CLVS1: variants seen among roughly 807,000 people sequenced by gnomAD.
The protein encoded by CLVS1 is clavesin-1.
CLVS1 carries 10 observed loss-of-function variants against 33.1 expected under a neutral mutation model. The ratio of observed to expected loss-of-function variants is 0.30; its 90% CI spans 0.19 to 0.51. The LOEUF (loss-of-function observed/expected upper bound fraction) is 0.51, where lower values mean the gene tolerates loss of function less well. Ranked by LOEUF, CLVS1 falls within the 20% of genes least tolerant of loss-of-function variation. The pLI is 0.97. For synonymous variants in CLVS1, 163 were observed against 166.1 expected (o/e 0.98, Z 0.14); for missense variants, 343 against 433.4 (o/e 0.79, Z 1.85).
At chr8:61,209,253 G>A (rs1293945398) in intron 2 of CLVS1, among the ~76,000 whole-genome samples, 1 of 152,250 alleles carries the variant, frequency 6.6e-6, no homozygotes, top group East Asian at 1.9e-4. Context: ...TGGGCACCCA[G>A]CTGTGGGGCT....
chr8:61,325,201 C>T (rs1301515762), intron 2 of CLVS1, among the ~76,000 whole-genome samples: 3 of 150,854 alleles, frequency 2.0e-5, no homozygotes, highest in Non-Finnish European at 4.4e-5. Flanking sequence ...TATGTACACA[C>T]ACATACACAC....
At chr8:61,393,248 G>T (rs985213288) in intron 3 of CLVS1, among the ~76,000 whole-genome samples, 1 of 152,042 alleles carries the variant, frequency 6.6e-6, no homozygotes, top group African/African-American at 2.4e-5. Context: ...ATTTCTAGAA[G>T]TTGTGATTGT....
At chr8:61,108,699 G>A (rs903743280) in intron 1 of CLVS1, among the ~76,000 whole-genome samples, 2 of 152,142 alleles carry the variant, frequency 1.3e-5, no homozygotes, top group East Asian at 3.9e-4. Flanking sequence ...GTTTCTTCCA[G>A]TTACAAACTT....
At chr8:61,373,934 C>T (rs1813541167) in intron 2 of CLVS1, among the ~76,000 whole-genome samples, 1 of 152,126 alleles carries the variant, frequency 6.6e-6, no homozygotes, top group African/African-American at 2.4e-5. Flanking sequence ...GTGTCTTTCA[C>T]CCTTGTTCAC....
chr8:61,121,955 A>G (rs1805879858), intron 1 of CLVS1, among the ~76,000 whole-genome samples: 1 of 152,260 alleles, frequency 6.6e-6, no homozygotes, highest in African/African-American at 2.4e-5. Flanking sequence ...GAAATACAAC[A>G]GGAGGACTCA....
intron 2 of CLVS1, among the ~76,000 whole-genome samples, chr8:61,301,484 T>C (rs1487550038): frequency 6.6e-6 from 1 of 152,208 alleles, no homozygotes. Context: ...TCTGTTTATG[T>C]TTCTACTAAT....
At chr8:61,379,366 C>G (rs1252383829) in intron 3 of CLVS1, among the ~76,000 whole-genome samples, 1 of 151,470 alleles carries the variant, frequency 6.6e-6, no homozygotes, top group South Asian at 2.1e-4. Context: ...TTATGAAACC[C>G]TCCCCCCCTT....
chr8:61,291,328 A>C (rs1809983867), intron 1 of CLVS1, among the ~76,000 whole-genome samples: 1 of 152,130 alleles, frequency 6.6e-6, no homozygotes, highest in Non-Finnish European at 1.5e-5. Flanking sequence ...CATGTGTTTG[A>C]GATGATCTGT....
chr8:61,405,038 C>G (rs1166409120), intron 3 of CLVS1, among the ~76,000 whole-genome samples: 4 of 152,212 alleles, frequency 2.6e-5, no homozygotes, highest in Non-Finnish European at 1.5e-5. Flanking sequence ...ACAGCTGCTG[C>G]TTGAGTCACC....
chr8:61,304,179 T>C (rs891179926), intron 2 of CLVS1, among the ~76,000 whole-genome samples: 1 of 152,254 alleles, frequency 6.6e-6, no homozygotes, highest in African/African-American at 2.4e-5. Flanking sequence ...GTGAAGGGTT[T>C]ACTAAGATTA....
At chr8:61,189,834 A>G (rs974084803) in intron 2 of CLVS1, among the ~76,000 whole-genome samples, 4 of 152,210 alleles carry the variant, frequency 2.6e-5, no homozygotes, top group African/African-American at 4.8e-5. Context: ...TATCCTAAAT[A>G]TCTATGCACC....
intron 2 of CLVS1, among the ~76,000 whole-genome samples, chr8:61,192,352 T>C (rs1045159373): frequency 6.6e-6 from 1 of 152,188 alleles, no homozygotes; most frequent in Admixed American, 6.5e-5. Context: ...GATCCCTTCC[T>C]TACACCTTAT....
At chr8:61,340,345 C>A (rs1259642572) in intron 2 of CLVS1, among the ~76,000 whole-genome samples, 3 of 152,164 alleles carry the variant, frequency 2.0e-5, no homozygotes, top group Non-Finnish European at 4.4e-5. Flanking sequence ...ACCAACATCT[C>A]CCCAGTCCTC....
At chr8:61,295,554 C>G (rs1810165914) in intron 1 of CLVS1, among the ~76,000 whole-genome samples, 1 of 152,124 alleles carries the variant, frequency 6.6e-6, no homozygotes. Flanking sequence ...TATTTAGGCT[C>G]ATAGAATGGT....
intron 2 of CLVS1, among the ~76,000 whole-genome samples, chr8:61,257,647 G>A (rs1809114024): frequency 6.6e-6 from 1 of 152,110 alleles, no homozygotes; most frequent in South Asian, 2.1e-4. Flanking sequence ...AAGGGATGAG[G>A]GTTGGGAGAC....
At chr8:61,272,857 G>C (rs1025480124) in intron 2 of CLVS1, among the ~76,000 whole-genome samples, 1 of 152,058 alleles carries the variant, frequency 6.6e-6, no homozygotes, top group African/African-American at 2.4e-5. Flanking sequence ...GCTCCTTTAA[G>C]CACTTGTCTG....
At chr8:61,181,697 C>CTTTTTTTTTTTTTTT (rs369025438) in intron 2 of CLVS1, among the ~76,000 whole-genome samples, 1 of 103,202 alleles carries the variant, frequency 9.7e-6, no homozygotes, top group Non-Finnish European at 1.9e-5. Flanking sequence ...ACCATCTGAT[C>CTTTTTTTTTTTTTTT]TTTTTTTTTT....
intron 4 of CLVS1, among the ~76,000 whole-genome samples, chr8:61,457,922 G>A (rs1321745385): frequency 6.6e-6 from 1 of 152,206 alleles, no homozygotes; most frequent in African/African-American, 2.4e-5. Flanking sequence ...AGGATCTGGA[G>A]GACTGGGTGA....
chr8:61,038,804 C>T, the CLVS1 span, among the ~76,000 whole-genome samples: 8 of 152,226 alleles, frequency 5.3e-5, no homozygotes, highest in African/African-American at 1.7e-4. Flanking sequence ...GCATGTGAAC[C>T]GAAGGTCCTT....
Sources: gnomAD v4.1 joint callset for allele counts (sites outside exome capture counted in the v4.1 genomes callset) on GRCh38, gnomAD v4.1.1 for gene constraint, MANE v1.5 for transcripts, NCBI Gene and HGNC (gene_info 2026-07-23, HGNC 2026-07-21) for gene names.